Variants in ALG13 observed in about 807,000 individuals in gnomAD.
ALG13 encodes the protein ALG13 UDP-N-acetylglucosaminyltransferase subunit.
In ALG13, 11 loss-of-function variants were observed where a neutral mutation model predicts 87.8. The ratio of observed to expected loss-of-function variants is 0.13; its 90% confidence interval spans 0.08 to 0.21. The LOEUF is 0.21. Ranked by LOEUF, ALG13 falls within the 10% of genes least tolerant of loss-of-function variation. The pLI, the probability that ALG13 is intolerant of heterozygous loss-of-function variation, is 1.00. For missense variants in ALG13, 756 were observed against 866.1 expected (o/e 0.87, Z 1.60); for synonymous variants, 320 against 306.3 (o/e 1.04, Z -0.47).
At chrX:111,751,277 C>G (rs193126203) in intron 24 of ALG13, among the ~76,000 whole-genome samples, 2 of 110,175 alleles carry the variant, frequency 1.8e-5, no homozygotes, top group Non-Finnish European at 3.8e-5. Flanking sequence ...CCATGTTGGC[C>G]AGAATGGTCT....
At chrX:111,709,681 TTTTC>T (rs1038949723) in intron 5 of ALG13, among the ~76,000 whole-genome samples, 1 of 106,222 alleles carries the variant, frequency 9.4e-6, no homozygotes, top group African/African-American at 3.8e-5. Context: ...GGAGGCTTCC[TTTTC>T]TTTTTTTTTT....
chrX:111,752,332 A>G (rs1238691700), intron 24 of ALG13, among the ~76,000 whole-genome samples: 1 of 112,128 alleles, frequency 8.9e-6, no homozygotes, highest in Non-Finnish European at 1.9e-5. Context: ...GTAGGTAAGT[A>G]GTCATTTACT....
intron 24 of ALG13, among the ~76,000 whole-genome samples, chrX:111,752,383 C>T (rs767096151): frequency 9.9e-5 from 11 of 111,314 alleles, no homozygotes; most frequent in Non-Finnish European, 2.1e-4. Context: ...GGCAAGATTA[C>T]ATTGATATCT....
intron 3 of ALG13, among the ~76,000 whole-genome samples, chrX:111,703,422 T>A (rs1938233521): frequency 8.9e-6 from 1 of 111,917 alleles, no homozygotes; most frequent in Non-Finnish European, 1.9e-5. Context: ...TGGCCTGTTT[T>A]CTTATATAGT....
chrX:111,692,843 C>T (rs1936360282), intron 3 of ALG13, among the ~76,000 whole-genome samples: 1 of 111,824 alleles, frequency 8.9e-6, no homozygotes, highest in Admixed American at 9.5e-5. Context: ...GTCACCGAGG[C>T]TGGAGTGCAG....
At chrX:111,719,394 C>T (rs1433270257) in intron 10 of ALG13, among the ~76,000 whole-genome samples, 2 of 111,935 alleles carry the variant, frequency 1.8e-5, no homozygotes, top group African/African-American at 6.5e-5. Context: ...AAGGTTGCTT[C>T]ACTCTTCACT....
Position 111,752,923 on chromosome X carries a change from C to T in ALG13, c.2973+93C>T, listed in dbSNP as rs908220568. 9.4e-5 allele frequency: 57 copies of T among 605,919 alleles called. No individual in the cohort carries two copies. In the Middle Eastern group the frequency reaches 2.1e-3, roughly 23 times the overall value. The allele number at this position is 605,919 out of a possible 1,213,427, so 49.9% of individuals were successfully genotyped here. ...ACTCTTGAACTTCGAAAGCCAAAATCACTAAGGGGACTAAACATTTTAATT... is the reference window on the plus strand; with the variant it reads ...ACTCTTGAACTTCGAAAGCCAAAATTACTAAGGGGACTAAACATTTTAATT... On this transcript the variant is annotated intron_variant, in intron 25 of 26. Transcript: ENST00000394780.
chrX:111,699,108 G>A (rs1199899953), intron 3 of ALG13, among the ~76,000 whole-genome samples: 1 of 112,157 alleles, frequency 8.9e-6, no homozygotes, highest in Non-Finnish European at 1.9e-5. Flanking sequence ...CTAATGATTA[G>A]TGATGCTGAG....
chrX:111,744,855 A>G lies in ALG13; in HGVS notation c.2883A>G (p.Leu961=), dbSNP rs370500067. The G allele has an allele frequency of 8.3e-7, 1 of 1,206,028 alleles. No individual in the cohort carries two copies. The highest frequency in any genetic ancestry group is 1.1e-6 in the Non-Finnish European group (1 of 893,620). The part of the protein sequence containing the change: ...ETSNLQPPPP[L]PPPPYSCDPS... ...CAAACTTACAACCACCACCACCACTACCACCTCCACCTTATTCCTGTGATC... is the reference window on the plus strand; with the variant it reads ...CAAACTTACAACCACCACCACCACTGCCACCTCCACCTTATTCCTGTGATC... The change falls in exon 24 of 27, where the codon CTA becomes CTG. Residue 961 remains leucine (L), a synonymous_variant. Transcript: ENST00000394780.
intron 24 of ALG13, among the ~76,000 whole-genome samples, chrX:111,747,260 A>G (rs1339890999): frequency 8.9e-6 from 1 of 111,821 alleles, no homozygotes; most frequent in African/African-American, 3.3e-5. Context: ...TCAATCACTG[A>G]TTTTTTACTG....
At chrX:111,753,908 T>C (rs1439622781) in intron 25 of ALG13, among the ~76,000 whole-genome samples, 3 of 111,757 alleles carry the variant, frequency 2.7e-5, no homozygotes, top group Admixed American at 9.5e-5. Context: ...AGGAACTCCT[T>C]TCTAACTCAT....
chrX:111,690,717 G>A (rs1935987284), intron 3 of ALG13, among the ~76,000 whole-genome samples: 1 of 110,555 alleles, frequency 9.0e-6, no homozygotes, highest in Non-Finnish European at 1.9e-5. Flanking sequence ...GCCTCCCAAA[G>A]TGCTGGTTTT....
At chrX:111,757,032 A>G (rs1021077068) in intron 25 of ALG13, among the ~76,000 whole-genome samples, 1 of 112,062 alleles carries the variant, frequency 8.9e-6, no homozygotes, top group African/African-American at 3.2e-5. Context: ...ATTAGAAATC[A>G]TAGTGTCCAT....
intron 3 of ALG13, among the ~76,000 whole-genome samples, chrX:111,696,794 A>G (rs1404675373): frequency 9.0e-6 from 1 of 111,287 alleles, no homozygotes; most frequent in Non-Finnish European, 1.9e-5. Context: ...ATGTTTTTTC[A>G]ACTTATTTTA....
chrX:111,735,808 A>G (rs1386573844), intron 22 of ALG13, among the ~76,000 whole-genome samples: 1 of 110,900 alleles, frequency 9.0e-6, no homozygotes, highest in Non-Finnish European at 1.9e-5. Context: ...TTGGGTGGGA[A>G]GAAAATGGAG....
At chrX:111,702,924 T>A (rs377723387) in intron 3 of ALG13, among the ~76,000 whole-genome samples, 1 of 111,257 alleles carries the variant, frequency 9.0e-6, no homozygotes, top group Non-Finnish European at 1.9e-5. Context: ...TAACTTCCCC[T>A]CTAATCTAGA....
At chrX:111,743,243 T>G (rs1233156480) in intron 23 of ALG13, among the ~76,000 whole-genome samples, 2 of 111,656 alleles carry the variant, frequency 1.8e-5, no homozygotes, top group Non-Finnish European at 3.8e-5. Context: ...AGTGCTAGTT[T>G]AAAAGGAATA....
chrX:111,755,761 G>A (rs1247034938), intron 25 of ALG13, among the ~76,000 whole-genome samples: 3 of 112,232 alleles, frequency 2.7e-5, no homozygotes, highest in Non-Finnish European at 5.6e-5. Context: ...AAAAAGTCAG[G>A]AAACAACAGA....
Position 111,721,584 on chromosome X carries a change from A to G in ALG13, c.1327-19A>G, listed in dbSNP as rs375412069. On this transcript the variant is annotated intron_variant, in intron 11 of 26. Coordinates refer to ENST00000394780, the MANE Select transcript of ALG13 (RefSeq NM_001099922.3). ...AGACTAAGGATTGTGAGTTTGTAGC[A>G]TGATTATTTTTGTTTTAGTCTCCAG... 7.9e-5 allele frequency: 77 copies of G among 976,845 alleles called. No individual in the cohort carries two copies. The African/African-American group carries it at 1.4e-3, about 17-fold the overall frequency. The allele number at this position is 976,845 out of a possible 1,213,427, so 80.5% of individuals were successfully genotyped here. A position where few individuals can be genotyped will look rare whatever the true frequency, so the allele number is the denominator to read the frequency against.
Sources: allele counts gnomAD v4.1 joint callset (sites outside exome capture counted in the v4.1 genomes callset), GRCh38; gene constraint gnomAD v4.1.1; transcripts MANE v1.5; gene names NCBI Gene and HGNC (gene_info 2026-07-23, HGNC 2026-07-21).